The following RYR1 variants were observed in gnomAD, a reference collection of about 807,000 sequenced individuals.
RYR1 encodes the protein ryanodine receptor 1, also known as central core disease of muscle.
RYR1 carries 342 observed loss-of-function variants against 583.5 expected under a neutral mutation model. The ratio of observed to expected loss-of-function variants is 0.59; its 90% CI spans 0.54 to 0.64. RYR1 has a LOEUF of 0.64. RYR1 is among the 30% of genes least tolerant of loss of function. RYR1 has a pLI of 0.00. For synonymous variants in RYR1, 2,791 were observed against 2,822.5 expected, an observed-to-expected ratio of 0.99 and a Z score of 0.35; for missense variants, 6,032 against 6,917.2, an observed-to-expected ratio of 0.87 and a Z score of 4.54.
intron 95 of RYR1, 129 bp downstream of exon 95, chr19:38,572,399 G>C: frequency 8.9e-7 from 1 of 1,123,358 alleles, no homozygotes; most frequent in South Asian, 1.4e-5. Context: ...GGGTTGGGGT[G>C]AGGGCTGGGG....
chr19:38,463,593 C>A (rs1967908932), intron 21 of RYR1, 66 bp downstream of exon 21: 2 of 1,544,384 alleles, frequency 1.3e-6, no homozygotes, highest in South Asian at 2.2e-5. Flanking sequence ...GAGAGCGGCT[C>A]ACCGGCGGAG....
intron 63 of RYR1, among the ~76,000 whole-genome samples, chr19:38,514,072 A>C (rs1970843992): frequency 6.6e-6 from 1 of 152,004 alleles, no homozygotes; most frequent in African/African-American, 2.4e-5. Flanking sequence ...AGTCTAGAAT[A>C]GCCCCGCCCT....
At position 38,561,385 on chromosome 19, in the gene RYR1, G is replaced by T. The variant is rs1442355076; in HGVS notation, c.12555G>T (p.Ala4185=). The change falls in exon 90 of 106, where the codon GCG becomes GCT. Residue 4185 remains alanine, a synonymous_variant. Transcript: ENST00000359596. The surrounding 1 kb of genome is among the most constrained non-coding windows in gnomAD (Gnocchi z 4.8). ...TGGGCCGCATCGAGATCATGGGCGC[G>T]TCACGCCGCATCGAGCGCATCTACT... The part of the protein sequence containing the change: ...PYLGRIEIMG[A]SRRIERIYFE... 1 of 1,613,452 alleles carries T rather than the reference G, an allele frequency of 6.2e-7. No individual in the cohort carries two copies. Among genetic ancestry groups the T allele is most frequent in the African/African-American group, 1.3e-5 (1 of 75,052 alleles).
intron 64 of RYR1, among the ~76,000 whole-genome samples, chr19:38,515,865 C>T (rs370333088): frequency 4.6e-5 from 7 of 152,130 alleles, no homozygotes; most frequent in African/African-American, 1.7e-4. Context: ...CACTTGAACC[C>T]AGGAATGTGA....
intron 53 of RYR1, 22 bp from the exon 54 acceptor site, chr19:38,505,784 C>T: frequency 6.2e-7 from 1 of 1,614,020 alleles, no homozygotes; most frequent in Non-Finnish European, 8.5e-7. Context: ...CCACCAACTC[C>T]CCACCCTCCT....
Position 38,500,004 on chromosome 19 carries a change from A to G in RYR1, c.7311A>G (p.Ala2437=). ...TGATCGACCTGCTCGGACGCTGTGC[A>G]CCAGAGATGCATGTGAGACCCTGAG... is the stretch of plus-strand genomic sequence containing the variant. ...AALIDLLGRC[A]PEMHLIQAGK... The change falls in exon 45 of 106, where the codon GCA becomes GCG. Residue 2437 remains alanine, a synonymous_variant. Transcript: ENST00000359596. This position sits in a 1 kb window ranked among gnomAD's most constrained non-coding sequence, Gnocchi z 5.9. 3.7e-6 allele frequency: 6 copies of G among 1,614,078 alleles called. No individual in the cohort carries two copies. Among genetic ancestry groups the G allele is most frequent in the Non-Finnish European group, 4.2e-6 (5 of 1,179,968 alleles).
intron 47 of RYR1, 88 bp from the exon 48 acceptor site, chr19:38,502,419 G>A: frequency 7.8e-7 from 1 of 1,278,232 alleles, no homozygotes; most frequent in Non-Finnish European, 1.1e-6. Context: ...TCAGAAGCTT[G>A]GATCCTTTGG....
Position 38,563,939 on chromosome 19 carries a change from C to T in RYR1, c.12625-1020C>T, listed in dbSNP as rs550755860. On this transcript the variant is annotated intron_variant, in intron 90 of 105. Coordinates refer to ENST00000359596, the MANE Select transcript of RYR1 (RefSeq NM_000540.3). ...TCATCTATAAAATGGGAAGAAAACC[C>T]GCTAGCCCTAGGCTTGTTTGTGAGG... 9.1e-4 allele frequency among the ~76,000 whole-genome samples: 138 copies of T among 152,334 alleles called. 1 individual carries two copies. Among genetic ancestry groups the T allele is most frequent in the Non-Finnish European group, 1.6e-3 (109 of 68,036 alleles).
chr19:38,448,928 A>C, intron 11 of RYR1, 115 bp downstream of exon 11: 1 of 1,044,878 alleles, frequency 9.6e-7, no homozygotes, highest in Non-Finnish European at 1.4e-6. Context: ...TGGGTGACAG[A>C]GTGAGATGGG....
At position 38,490,147 on chromosome 19, in the gene RYR1, G is replaced by A. The variant is rs757339404; in HGVS notation, c.5886G>A (p.Ala1962=). The change falls in exon 36 of 106, where the codon GCG becomes GCA. Residue 1962 remains alanine, a synonymous_variant. Transcript: ENST00000359596. ...GTGTGGAGTCCCTGGCAGCCTTTGC[G>A]GAGCGCTATGTGGACAAGCTCCAGG... ...QHRVESLAAF[A]ERYVDKLQAN... 19 of 1,614,064 alleles carry A rather than the reference G, an allele frequency of 1.2e-5. No individual in the cohort carries two copies. The highest frequency in any genetic ancestry group is 1.7e-5 in the Admixed American group (1 of 60,002).
rs750648855 is a variant in RYR1 at position 38,562,835 on chromosome 19, C to T, written c.12624+1381C>T. The stretch of plus-strand genomic sequence containing the variant: ...TTTGGCATCTTCCCATGCCGCCACG[C>T]CCTCCTTACTCCTGATCCCTCCCTG... On this transcript the variant is annotated intron_variant, in intron 90 of 105. Transcript: ENST00000359596. Among the ~76,000 whole-genome samples the T allele has an allele frequency of 1.5e-4, 23 of 152,348 alleles. 1 individual carries two copies. Among genetic ancestry groups the T allele is most frequent in the South Asian group, 1.0e-3 (5 of 4,834 alleles).
Position 38,496,740 on chromosome 19 carries a change from G to A in RYR1, c.6797-120G>A, listed in dbSNP as rs1969847630. On this transcript the variant is annotated intron_variant, in intron 41 of 105. Coordinates refer to ENST00000359596, the MANE Select transcript of RYR1 (RefSeq NM_000540.3). This position sits in a 1 kb window ranked among gnomAD's most constrained non-coding sequence, Gnocchi z 4.8. ...CCAGAGTGGTCAGAGCTTGGATGAG[G>A]GAAGTACAGACCAGAGGAGGCACCT... The A allele has an allele frequency of 6.9e-6, 8 of 1,159,316 alleles. No homozygotes were observed. The highest frequency in any genetic ancestry group is 5.4e-5 in the Admixed American group (3 of 55,124). The allele number at this position is 1,159,316 out of a possible 1,614,324, so 71.8% of individuals were successfully genotyped here. A position where few individuals can be genotyped will look rare whatever the true frequency, so the allele number is the denominator to read the frequency against.
At chr19:38,524,103 G>A (rs949473864) in intron 70 of RYR1, among the ~76,000 whole-genome samples, 174 bp downstream of exon 70, 11 of 58,336 alleles carry the variant, frequency 1.9e-4, no homozygotes, top group East Asian at 6.0e-4. Context: ...ACCCCCATCC[G>A]TTCCCATCCC....
intron 65 of RYR1, among the ~76,000 whole-genome samples, chr19:38,516,648 C>T (rs1483328175): frequency 6.6e-6 from 1 of 152,020 alleles, no homozygotes; most frequent in Non-Finnish European, 1.5e-5. Context: ...CATTTGAGGG[C>T]ATCATCAAGC....
At chr19:38,484,869 A>G (rs972684986) in intron 33 of RYR1, among the ~76,000 whole-genome samples, 1 of 151,718 alleles carries the variant, frequency 6.6e-6, no homozygotes, top group East Asian at 1.9e-4. Context: ...GCTACTTGGG[A>G]GGCTGAGGCA....
Position 38,516,166 on chromosome 19 carries a change from G to A in RYR1, c.9634G>A (p.Glu3212Lys), listed in dbSNP as rs185371036. The A allele has an allele frequency of 3.1e-5, 48 of 1,562,738 alleles. 1 individual carries two copies. In the African/African-American group the frequency reaches 3.4e-4, roughly 11 times the overall value. The change falls in exon 65 of 106, where the codon GAG (glutamate) becomes AAG (lysine). Residue 3212 changes from glutamate to lysine, a missense_variant. Glu to Lys is a moderately conservative substitution (Grantham distance 56). Transcript: ENST00000359596. ...GGCGTTCCTGGAGCCGCAGCTGAACGAGTACAACGCCTGCTCCGTGTACAC... is the reference window on the plus strand; with the variant it reads ...GGCGTTCCTGGAGCCGCAGCTGAACAAGTACAACGCCTGCTCCGTGTACAC... The part of the protein sequence containing the change: ...PVAFLEPQLN[E>K]YNACSVYTTK...
rs1169405716 is a variant in RYR1 at position 38,496,643 on chromosome 19, C to A, written c.6796+102C>A. 7.0e-7 allele frequency: 1 copy of A among 1,434,106 alleles called. No individual in the cohort carries two copies. Among genetic ancestry groups the A allele is most frequent in the Non-Finnish European group, 9.8e-7 (1 of 1,022,928 alleles). The allele number at this position is 1,434,106 out of a possible 1,614,324, so 88.8% of individuals were successfully genotyped here. On this transcript the variant is annotated intron_variant, in intron 41 of 105. Coordinates refer to ENST00000359596, the MANE Select transcript of RYR1 (RefSeq NM_000540.3). The surrounding 1 kb of genome is among the most constrained non-coding windows in gnomAD (Gnocchi z 4.8). ...CCAGCTCACTCATTCAACAAACACTCCCTCTCAACTGTGGTTCTGGCCCTG... is the reference window on the plus strand; with the variant it reads ...CCAGCTCACTCATTCAACAAACACTACCTCTCAACTGTGGTTCTGGCCCTG...
At chr19:38,504,468 G>T in intron 50 of RYR1, 108 bp downstream of exon 50, 3 of 1,407,732 alleles carry the variant, frequency 2.1e-6, no homozygotes, top group South Asian at 1.3e-5. Context: ...GGAGGAGAAG[G>T]TTCTGCAAGT....
At position 38,460,374 on chromosome 19, in the gene RYR1, G is replaced by T. The variant is rs113379223; in HGVS notation, c.2361-1G>T. 6.2e-7 allele frequency: 1 copy of T among 1,613,940 alleles called. No individual in the cohort carries two copies. ...GATCCCCATTGTCCTTCCTTACCCAGGGTGCGGTTCCTCCTTGGTGGCCGC... is the reference window on the plus strand; with the variant it reads ...GATCCCCATTGTCCTTCCTTACCCATGGTGCGGTTCCTCCTTGGTGGCCGC... On this transcript the variant is annotated splice_acceptor_variant, in intron 19 of 105. Coordinates refer to ENST00000359596, the MANE Select transcript of RYR1 (RefSeq NM_000540.3). LOFTEE classifies it high-confidence loss of function.
Sources: allele counts gnomAD v4.1 joint callset (sites outside exome capture counted in the v4.1 genomes callset), GRCh38; gene constraint gnomAD v4.1.1; non-coding constraint Gnocchi (gnomAD v3.1); transcripts MANE v1.5; gene names NCBI Gene and HGNC (gene_info 2026-07-23, HGNC 2026-07-21).